LRBA: variants seen among roughly 807,000 people sequenced by gnomAD.
LRBA encodes LPS responsive beige-like anchor protein.
In LRBA, 176 loss-of-function variants were observed where a neutral mutation model predicts 330.0. The observed-to-expected ratio is 0.53, with a 90% CI of 0.47 to 0.60. The LOEUF (loss-of-function observed/expected upper bound fraction) is 0.60. Ranked by LOEUF, LRBA falls within the 20% of genes least tolerant of loss-of-function variation. The pLI is 0.00. For missense variants in LRBA, 3,259 were observed against 3,444.8 expected, an observed-to-expected ratio of 0.95 and a Z score of 1.35; for synonymous variants, 1,230 against 1,193.0, an observed-to-expected ratio of 1.03 and a Z score of -0.64.
intron 34 of LRBA, among the ~76,000 whole-genome samples, chr4:150,790,307 C>A (rs1462413345): frequency 6.6e-6 from 1 of 152,090 alleles, no homozygotes; most frequent in East Asian, 1.9e-4. Context: ...GCTGGTGAAT[C>A]CATAGGACGC....
chr4:150,445,870 C>T (rs551232308), intron 44 of LRBA, among the ~76,000 whole-genome samples: 1 of 151,968 alleles, frequency 6.6e-6, no homozygotes, highest in Non-Finnish European at 1.5e-5. Flanking sequence ...GCCTTGAACT[C>T]CTGGCCTCAA....
At chr4:150,678,249 A>G (rs1224865486) in intron 37 of LRBA, among the ~76,000 whole-genome samples, 1 of 151,900 alleles carries the variant, frequency 6.6e-6, no homozygotes. Flanking sequence ...TCCAAGAAAA[A>G]AAAAAAAAAA....
At chr4:150,385,284 CA>C (rs202122871) in intron 47 of LRBA, among the ~76,000 whole-genome samples, 2 of 150,792 alleles carry the variant, frequency 1.3e-5, no homozygotes, top group Non-Finnish European at 3.0e-5. Context: ...TGTAAAAGCA[CA>C]AAAAAAACAA....
intron 4 of LRBA, among the ~76,000 whole-genome samples, chr4:150,924,760 G>A (rs1190803439): frequency 6.6e-6 from 1 of 152,098 alleles, no homozygotes; most frequent in Non-Finnish European, 1.5e-5. Flanking sequence ...GCAAGGCCTT[G>A]CTCTCATTTT....
chr4:150,336,351 C>T (rs2126991386), intron 48 of LRBA, among the ~76,000 whole-genome samples: 1 of 152,144 alleles, frequency 6.6e-6, no homozygotes, highest in East Asian at 1.9e-4. Flanking sequence ...CCAAGGATCC[C>T]TTAGTTTTAG....
chr4:150,657,060 G>A (rs774957125), intron 37 of LRBA, among the ~76,000 whole-genome samples: 27 of 152,132 alleles, frequency 1.8e-4, no homozygotes, highest in Non-Finnish European at 3.1e-4. Flanking sequence ...CTCACATTTG[G>A]CTTGTCATAA....
intron 44 of LRBA, among the ~76,000 whole-genome samples, chr4:150,457,338 G>A (rs1199663664): frequency 4.6e-5 from 7 of 152,034 alleles, no homozygotes; most frequent in South Asian, 2.1e-4. Flanking sequence ...TTAAAAGTAC[G>A]AACAATTTAA....
At chr4:150,750,855 A>T (rs2126385277) in intron 35 of LRBA, among the ~76,000 whole-genome samples, 1 of 151,950 alleles carries the variant, frequency 6.6e-6, no homozygotes, top group East Asian at 1.9e-4. Context: ...CTCTCAGAAG[A>T]TGTGCTTCCT....
At chr4:150,511,863 C>T (rs1476942619) in intron 40 of LRBA, among the ~76,000 whole-genome samples, 1 of 152,216 alleles carries the variant, frequency 6.6e-6, no homozygotes, top group Non-Finnish European at 1.5e-5. Context: ...CTATATAATA[C>T]TCCCACCACA....
At chr4:150,538,997 CAG>C (rs894288684) in intron 40 of LRBA, among the ~76,000 whole-genome samples, 25 of 151,120 alleles carry the variant, frequency 1.7e-4, no homozygotes, top group Admixed American at 1.5e-3. Flanking sequence ...TTTTGTTAGA[CAG>C]AGTCTCATTC....
Position 150,471,675 on chromosome 4 carries a change from G to C in LRBA, c.6616C>G (p.His2206Asp), listed in dbSNP as rs992924641. ...TACTCAAAATTAGATATCTCTCTGT[G>C]TTGCCATCGCTGGGTCATATTAGAA... ...KASNMTQRWQ[H>D]REISNFEYLM... The change falls in exon 43 of 57, where the codon CAC becomes GAC. Residue 2206 changes from histidine (H) to aspartate (D), a missense_variant. By Grantham distance (81) the His-to-Asp change is moderately conservative. Coordinates refer to ENST00000651943, the MANE Select transcript of LRBA (RefSeq NM_001364905.1). 6.2e-7 allele frequency: 1 copy of C among 1,609,948 alleles called. No individual in the cohort carries two copies. The highest frequency in any genetic ancestry group is 8.5e-7 in the Non-Finnish European group (1 of 1,178,598).
chr4:150,941,081 C>T (rs1735621562), intron 2 of LRBA, among the ~76,000 whole-genome samples: 1 of 152,016 alleles, frequency 6.6e-6, no homozygotes. Flanking sequence ...GACTCTCGTG[C>T]AGCCTGTGCC....
intron 50 of LRBA, among the ~76,000 whole-genome samples, chr4:150,320,319 C>T (rs1168982106): frequency 6.6e-6 from 1 of 152,060 alleles, no homozygotes. Flanking sequence ...GTTTATGATT[C>T]TAATGGTTAT....
At chr4:150,866,830 CA>C (rs940140253) in intron 22 of LRBA, among the ~76,000 whole-genome samples, 5 of 151,620 alleles carry the variant, frequency 3.3e-5, no homozygotes, top group African/African-American at 7.3e-5. Context: ...CAGTAATTAA[CA>C]AAAAAATGCA....
intron 19 of LRBA, 152 bp from the exon 20 acceptor site, chr4:150,870,758 A>G (rs576440485): frequency 4.0e-6 from 2 of 504,384 alleles, no homozygotes; most frequent in Admixed American, 3.6e-5. Context: ...GCTAAATAAT[A>G]TACTTCTAAA....
chr4:150,889,087 T>A (rs1729217245), intron 17 of LRBA, among the ~76,000 whole-genome samples: 1 of 152,194 alleles, frequency 6.6e-6, no homozygotes, highest in Non-Finnish European at 1.5e-5. Context: ...ATTTCCTTCA[T>A]CCCTGGGGCA....
chr4:150,381,882 T>C (rs941963869), intron 47 of LRBA, among the ~76,000 whole-genome samples: 1 of 152,192 alleles, frequency 6.6e-6, no homozygotes, highest in African/African-American at 2.4e-5. Context: ...TCACGTGAGG[T>C]GGTGTGATTT....
rs1341344394 is a variant in LRBA, at chr4:150,954,143, A to G, written c.217-25078T>C. 1.5e-3 allele frequency among the ~76,000 whole-genome samples: 227 copies of G among 149,084 alleles called. 1 individual carries two copies. Among genetic ancestry groups the G allele is most frequent in the Non-Finnish European group, 3.0e-3 (203 of 67,240 alleles). On this transcript the variant is annotated intron_variant, in intron 2 of 56. Coordinates refer to ENST00000651943, the MANE Select transcript of LRBA (RefSeq NM_001364905.1). Reference sequence around the variant, plus strand: ...CTGCCCGGCAGCCGCCCCGTCGGGGAGGTGGGGGGCAGCCCCCGCCCGGCC... The same window carrying G: ...CTGCCCGGCAGCCGCCCCGTCGGGGGGGTGGGGGGCAGCCCCCGCCCGGCC...
chr4:150,681,314 A>C (rs1783038184), intron 37 of LRBA, among the ~76,000 whole-genome samples: 1 of 152,214 alleles, frequency 6.6e-6, no homozygotes, highest in African/African-American at 2.4e-5. Flanking sequence ...AGCCTCATAC[A>C]AGGGAAATCA....
Sources: allele counts gnomAD v4.1 joint callset (sites outside exome capture counted in the v4.1 genomes callset), GRCh38; gene constraint gnomAD v4.1.1; transcripts MANE v1.5; gene names NCBI Gene and HGNC (gene_info 2026-07-23, HGNC 2026-07-21).